The following MYRIP variants were observed in gnomAD, a reference collection of about 807,000 sequenced individuals.
The protein encoded by MYRIP is myosin VIIA and Rab interacting protein, also known as rab effector MyRIP.
MYRIP carries 49 observed loss-of-function variants against 98.0 expected under a neutral mutation model. The observed-to-expected ratio is 0.50, with a 90% CI of 0.40 to 0.63. MYRIP has a LOEUF of 0.63. Ranked by LOEUF, MYRIP falls within the 30% of genes least tolerant of loss-of-function variation. The probability of loss-of-function intolerance (pLI) is 0.00; values close to 1 mark genes in which losing one functional copy is unlikely to be tolerated. For missense variants in MYRIP, 1,004 were observed against 1,058.2 expected, an observed-to-expected ratio of 0.95 and a Z score of 0.71; for synonymous variants, 404 against 409.5, an observed-to-expected ratio of 0.99 and a Z score of 0.16.
intron 3 of MYRIP, among the ~76,000 whole-genome samples, chr3:40,096,575 A>G (rs1254522105): frequency 6.6e-6 from 1 of 152,208 alleles, no homozygotes; most frequent in African/African-American, 2.4e-5. Flanking sequence ...GGTCTGTTTC[A>G]GCTCTGGATA....
intron 3 of MYRIP, among the ~76,000 whole-genome samples, chr3:40,115,058 T>TTCTGATATGAAATATCAATATCAGTATA (rs1309442238): frequency 2.6e-5 from 4 of 152,140 alleles, no homozygotes; most frequent in Non-Finnish European, 5.9e-5. Flanking sequence ...AATGAAGTAT[T>TTCTGATATGAAATATCAATATCAGTATA]TCTGATATGA....
intron 2 of MYRIP, among the ~76,000 whole-genome samples, chr3:40,031,245 T>A (rs1947254247): frequency 6.6e-6 from 1 of 152,056 alleles, no homozygotes; most frequent in South Asian, 2.1e-4. Context: ...GTCCCATATA[T>A]AATGGTACTA....
chr3:40,181,963 A>T (rs1191319924), intron 8 of MYRIP, among the ~76,000 whole-genome samples: 1 of 152,218 alleles, frequency 6.6e-6, no homozygotes. Flanking sequence ...TGGATAAGAA[A>T]GAGCCGTATG....
At chr3:40,109,158 A>C (rs6803278) in intron 3 of MYRIP, among the ~76,000 whole-genome samples, 14,585 of 152,138 alleles carry the variant, frequency 0.096, 790 homozygotes, top group East Asian at 0.22. Context: ...TCTAGGGTAC[A>C]TGTGCGCTTC....
chr3:39,894,934 A>G (rs1370497227), intron 1 of MYRIP, among the ~76,000 whole-genome samples: 1 of 152,384 alleles, frequency 6.6e-6, no homozygotes. Context: ...CTACAAATGT[A>G]TATAAGTACC....
chr3:40,169,248 C>T (rs993738492), intron 7 of MYRIP, among the ~76,000 whole-genome samples: 1 of 152,152 alleles, frequency 6.6e-6, no homozygotes, highest in African/African-American at 2.4e-5. Context: ...GAGATGGCAC[C>T]TCAGTTGATT....
intron 3 of MYRIP, among the ~76,000 whole-genome samples, chr3:40,071,910 G>A (rs1332432819): frequency 1.3e-5 from 2 of 152,152 alleles, no homozygotes; most frequent in Non-Finnish European, 2.9e-5. Context: ...GGAGCTGGCC[G>A]GTTCTCTGGT....
At chr3:40,115,891 C>T (rs1251581368) in intron 3 of MYRIP, among the ~76,000 whole-genome samples, 2 of 151,784 alleles carry the variant, frequency 1.3e-5, no homozygotes, top group Non-Finnish European at 1.5e-5. Flanking sequence ...CGTAAGAGAT[C>T]ACATATAAAA....
chr3:39,858,053 T>G (rs958692219), intron 1 of MYRIP, among the ~76,000 whole-genome samples: 2 of 152,140 alleles, frequency 1.3e-5, no homozygotes, highest in African/African-American at 4.8e-5. Context: ...AATAATTATT[T>G]TAAACATAAA....
intron 1 of MYRIP, among the ~76,000 whole-genome samples, chr3:39,872,436 A>T (rs985184482): frequency 6.6e-6 from 1 of 151,800 alleles, no homozygotes; most frequent in Non-Finnish European, 1.5e-5. Context: ...TGCTGCACCC[A>T]TTAACTCGTC....
chr3:39,855,542 C>A (rs904232615), intron 1 of MYRIP, among the ~76,000 whole-genome samples: 1 of 151,986 alleles, frequency 6.6e-6, no homozygotes, highest in South Asian at 2.1e-4. Flanking sequence ...GGTTCTCAGG[C>A]CAATGGGGTT....
chr3:39,966,054 G>C (rs1945433910), intron 2 of MYRIP, among the ~76,000 whole-genome samples: 2 of 152,106 alleles, frequency 1.3e-5, no homozygotes, highest in African/African-American at 4.8e-5. Flanking sequence ...CTGAGCTTCT[G>C]TCCCTGTAGC....
At chr3:40,132,075 A>C (rs1368043678) in intron 3 of MYRIP, among the ~76,000 whole-genome samples, 3 of 152,124 alleles carry the variant, frequency 2.0e-5, no homozygotes, top group African/African-American at 7.2e-5. Flanking sequence ...TTAAGAAATC[A>C]ATTTTTTTAA....
chr3:39,974,803 T>C (rs150086786), intron 2 of MYRIP, among the ~76,000 whole-genome samples: 2,607 of 152,190 alleles, frequency 0.017, 68 homozygotes, highest in African/African-American at 0.058. Context: ...AAAAACCATA[T>C]GATAATCTCA....
intron 1 of MYRIP, among the ~76,000 whole-genome samples, chr3:39,817,240 T>A (rs1940950604): frequency 1.3e-5 from 2 of 152,096 alleles, no homozygotes; most frequent in Non-Finnish European, 2.9e-5. Context: ...CTGGTAAGGA[T>A]CGAAAAAGAG....
intron 3 of MYRIP, among the ~76,000 whole-genome samples, chr3:40,146,852 A>G (rs1950021886): frequency 6.6e-6 from 1 of 152,166 alleles, no homozygotes. Flanking sequence ...ACCACCTTGC[A>G]TGGAAGTCTG....
intron 2 of MYRIP, among the ~76,000 whole-genome samples, chr3:39,940,276 G>A (rs1226420968): frequency 6.6e-6 from 1 of 151,982 alleles, no homozygotes; most frequent in Non-Finnish European, 1.5e-5. Flanking sequence ...ATACGTTTGT[G>A]TTTAAATGAA....
At chr3:40,136,797 G>A (rs968757519) in intron 3 of MYRIP, among the ~76,000 whole-genome samples, 6 of 152,146 alleles carry the variant, frequency 3.9e-5, no homozygotes, top group African/African-American at 9.7e-5. Flanking sequence ...GGTACATAAC[G>A]AAATGAAGGC....
At chr3:39,811,655 A>AG (rs1238724890) in intron 1 of MYRIP, among the ~76,000 whole-genome samples, 5 of 148,206 alleles carry the variant, frequency 3.4e-5, no homozygotes, top group African/African-American at 1.3e-4. Context: ...GTTTCTGGAG[A>AG]GTGGGGGGAG....
Sources: allele counts gnomAD v4.1 joint callset (sites outside exome capture counted in the v4.1 genomes callset), GRCh38; gene constraint gnomAD v4.1.1; transcripts MANE v1.5; gene names NCBI Gene and HGNC (gene_info 2026-07-23, HGNC 2026-07-21).